The following RAD51B variants were observed in gnomAD, a reference collection of about 807,000 sequenced individuals.
RAD51B encodes DNA repair protein RAD51 homolog 2.
RAD51B carries 38 observed loss-of-function variants against 42.2 expected under a neutral mutation model. The observed-to-expected ratio is 0.90, with a 90% confidence interval of 0.70 to 1.18. The LOEUF is 1.18. RAD51B is among the 50% of genes most tolerant of loss of function. RAD51B has a pLI of 0.00. For missense variants in RAD51B, 373 were observed against 400.7 expected, an observed-to-expected ratio of 0.93 and a Z score of 0.59; for synonymous variants, 154 against 145.2, an observed-to-expected ratio of 1.06 and a Z score of -0.43.
chr14:68,309,766 C>T (rs1002881729), intron 8 of RAD51B, among the ~76,000 whole-genome samples: 2 of 152,104 alleles, frequency 1.3e-5, no homozygotes, highest in African/African-American at 4.8e-5. Flanking sequence ...ATGGTAGAGG[C>T]TGGATGTCTG....
intron 7 of RAD51B, among the ~76,000 whole-genome samples, chr14:68,194,363 C>G (rs2079326705): frequency 1.3e-5 from 2 of 152,104 alleles, no homozygotes; most frequent in African/African-American, 4.8e-5. Context: ...TTCAGGACTG[C>G]TAAACATTAT....
At chr14:68,589,934 C>G (rs187117290) in intron 10 of RAD51B, among the ~76,000 whole-genome samples, 1 of 152,288 alleles carries the variant, frequency 6.6e-6, no homozygotes, top group East Asian at 1.9e-4. Context: ...TATTCACACA[C>G]GAACACACAC....
intron 5 of RAD51B, among the ~76,000 whole-genome samples, chr14:67,867,723 A>G (rs1462854797): frequency 6.6e-6 from 1 of 152,188 alleles, no homozygotes; most frequent in African/African-American, 2.4e-5. Context: ...TGGATATTGG[A>G]TTGGTAATTA....
At chr14:68,561,815 C>G (rs2842327) in intron 10 of RAD51B, among the ~76,000 whole-genome samples, 77,890 of 152,100 alleles carry the variant, frequency 0.51, 20,268 homozygotes, top group South Asian at 0.56. Flanking sequence ...ATGAACATAC[C>G]GGCTTTAGAG....
chr14:67,999,177 A>G (rs2075436413), intron 7 of RAD51B, among the ~76,000 whole-genome samples: 1 of 152,020 alleles, frequency 6.6e-6, no homozygotes, highest in Non-Finnish European at 1.5e-5. Flanking sequence ...TGTGACAGTA[A>G]CTTTTTTGTA....
At chr14:67,965,356 C>T (rs879744167) in intron 7 of RAD51B, among the ~76,000 whole-genome samples, 1 of 151,692 alleles carries the variant, frequency 6.6e-6, no homozygotes, top group African/African-American at 2.4e-5. Context: ...ATTCTCCTAG[C>T]CATTGCCCTG....
At chr14:68,296,721 G>A (rs887486921) in intron 8 of RAD51B, among the ~76,000 whole-genome samples, 1 of 152,160 alleles carries the variant, frequency 6.6e-6, no homozygotes, top group African/African-American at 2.4e-5. Context: ...TAACAGAGTA[G>A]CAGTTACTTC....
intron 8 of RAD51B, among the ~76,000 whole-genome samples, chr14:68,371,079 A>T (rs2083253004): frequency 6.6e-6 from 1 of 151,080 alleles, no homozygotes; most frequent in South Asian, 2.1e-4. Flanking sequence ...GAAAATTAAA[A>T]AAAAAGAATT....
chr14:68,298,076 G>A (rs1425724388), intron 8 of RAD51B, among the ~76,000 whole-genome samples: 2 of 152,162 alleles, frequency 1.3e-5, no homozygotes, highest in African/African-American at 4.8e-5. Context: ...ACTTGACTGG[G>A]CATATGTCTT....
At chr14:68,197,228 C>T (rs1288895526) in intron 7 of RAD51B, among the ~76,000 whole-genome samples, 1 of 152,200 alleles carries the variant, frequency 6.6e-6, no homozygotes, top group Non-Finnish European at 1.5e-5. Flanking sequence ...AATCACTCTT[C>T]TGATTTCTAT....
chr14:68,199,416 G>A (rs910360468), intron 7 of RAD51B, among the ~76,000 whole-genome samples: 2 of 152,136 alleles, frequency 1.3e-5, no homozygotes, highest in Non-Finnish European at 2.9e-5. Context: ...CTTTCATCCT[G>A]AACTTAGGCC....
intron 10 of RAD51B, among the ~76,000 whole-genome samples, chr14:68,553,877 A>G (rs1211557515): frequency 6.6e-6 from 1 of 152,346 alleles, no homozygotes; most frequent in Middle Eastern, 3.4e-3. Context: ...CGTCTCTGCA[A>G]CCTAGCAAAC....
chr14:68,657,105 G>C (rs1307638261), intron 11 of RAD51B, among the ~76,000 whole-genome samples: 1 of 152,204 alleles, frequency 6.6e-6, no homozygotes, highest in Non-Finnish European at 1.5e-5. Flanking sequence ...CTAGCCATAT[G>C]TGACTATTGA....
chr14:68,328,104 C>A (rs1595713116), intron 8 of RAD51B, among the ~76,000 whole-genome samples: 1 of 152,084 alleles, frequency 6.6e-6, no homozygotes, highest in East Asian at 1.9e-4. Flanking sequence ...TGTTCTATTG[C>A]CACTCTGCCT....
intron 8 of RAD51B, among the ~76,000 whole-genome samples, chr14:68,374,483 T>C (rs1428558737): frequency 6.6e-6 from 1 of 152,104 alleles, no homozygotes; most frequent in Non-Finnish European, 1.5e-5. Context: ...TTTTCTTTCA[T>C]TGGGAAAACT....
intron 10 of RAD51B, among the ~76,000 whole-genome samples, chr14:68,571,048 T>C (rs887228696): frequency 1.3e-4 from 20 of 152,130 alleles, no homozygotes; most frequent in Admixed American, 3.3e-4. Context: ...GCCTGACATG[T>C]AAGATCTAAC....
intron 10 of RAD51B, among the ~76,000 whole-genome samples, chr14:68,538,434 G>A (rs568359918): frequency 2.2e-4 from 33 of 152,288 alleles, no homozygotes; most frequent in African/African-American, 7.7e-4. Context: ...CTGGCTGCCA[G>A]GTCTTTAGGA....
intron 10 of RAD51B, among the ~76,000 whole-genome samples, chr14:68,512,586 C>A (rs1217545980): frequency 6.6e-6 from 1 of 152,076 alleles, no homozygotes; most frequent in Non-Finnish European, 1.5e-5. Flanking sequence ...CTGCCCTGGC[C>A]CCCACACTCT....
chr14:68,140,508 T>G (rs1051107299), intron 7 of RAD51B, among the ~76,000 whole-genome samples: 1 of 152,246 alleles, frequency 6.6e-6, no homozygotes, highest in Non-Finnish European at 1.5e-5. Context: ...CATTGGTTTT[T>G]AAAGAGTTTT....
Sources: allele counts gnomAD v4.1 joint callset (sites outside exome capture counted in the v4.1 genomes callset), GRCh38; gene constraint gnomAD v4.1.1; transcripts MANE v1.5; gene names NCBI Gene and HGNC (gene_info 2026-07-23, HGNC 2026-07-21).